Variants in SHROOM3 observed in about 807,000 individuals in gnomAD.
The protein encoded by SHROOM3 is shroom family member 3.
Under a neutral mutation model 138.6 loss-of-function variants are expected in SHROOM3, and 47 were observed. The ratio of observed to expected loss-of-function variants is 0.34; its 90% confidence interval spans 0.27 to 0.43. The LOEUF is 0.43. SHROOM3 is among the 20% of genes least tolerant of loss of function. The pLI is 1.00. For missense variants in SHROOM3, 2,491 were observed against 2,596.5 expected (o/e 0.96, Z 0.88); for synonymous variants, 1,062 against 1,063.3 (o/e 1.00, Z 0.02).
intron 2 of SHROOM3, among the ~76,000 whole-genome samples, chr4:76,663,493 A>T (rs1718598493): frequency 6.6e-6 from 1 of 152,142 alleles, no homozygotes; most frequent in African/African-American, 2.4e-5. Flanking sequence ...GTTGCTATAC[A>T]CCAGAGGTAA....
intron 1 of SHROOM3, among the ~76,000 whole-genome samples, chr4:76,487,707 C>T (rs988858841): frequency 6.7e-6 from 1 of 149,902 alleles, no homozygotes; most frequent in Non-Finnish European, 1.5e-5. Flanking sequence ...TGAATTCACT[C>T]TGATTTATTA....
intron 1 of SHROOM3, among the ~76,000 whole-genome samples, chr4:76,485,245 T>C (rs1326494600): frequency 1.3e-5 from 2 of 152,130 alleles, no homozygotes; most frequent in African/African-American, 4.8e-5. Flanking sequence ...TTTTTTCATG[T>C]GAAAGGAAGG....
At chr4:76,692,579 T>C (rs1451086453) in intron 2 of SHROOM3, among the ~76,000 whole-genome samples, 1 of 152,188 alleles carries the variant, frequency 6.6e-6, no homozygotes, top group African/African-American at 2.4e-5. Flanking sequence ...CATAGCAACC[T>C]TATTTATAAT....
chr4:76,495,595 C>T (rs1463828333), intron 1 of SHROOM3, among the ~76,000 whole-genome samples: 2 of 152,172 alleles, frequency 1.3e-5, no homozygotes. Context: ...GTAATGAATC[C>T]CTGTCTCTGA....
intron 1 of SHROOM3, among the ~76,000 whole-genome samples, chr4:76,443,279 A>C (rs1179013646): frequency 1.3e-5 from 2 of 152,238 alleles, no homozygotes; most frequent in African/African-American, 4.8e-5. Flanking sequence ...TCTTAGCATC[A>C]GTAAGAACTC....
intron 3 of SHROOM3, among the ~76,000 whole-genome samples, chr4:76,713,520 C>A (rs890952803): frequency 1.3e-5 from 2 of 152,148 alleles, no homozygotes; most frequent in Admixed American, 1.3e-4. Flanking sequence ...TTCAGGAACA[C>A]CTCCTGTAGA....
chr4:76,470,105 C>T lies in SHROOM3; in HGVS notation c.168+33885C>T, dbSNP rs544424717. Among the ~76,000 whole-genome samples, 30 of 152,250 alleles carry T rather than the reference C, an allele frequency of 2.0e-4. No individual in the cohort carries two copies. In the South Asian group the frequency reaches 6.2e-3, roughly 32 times the overall value. ...TATGCATTAACTCACTGATTTCTTA[C>T]ACCTCTATGAAGTAGGTCCTATTAT... On this transcript the variant is annotated intron_variant, in intron 1 of 10. Transcript: ENST00000296043.
intron 3 of SHROOM3, among the ~76,000 whole-genome samples, chr4:76,722,814 G>A (rs1720589626): frequency 6.6e-6 from 1 of 152,012 alleles, no homozygotes; most frequent in African/African-American, 2.4e-5. Flanking sequence ...GGGATATGGG[G>A]GTGTTTGATT....
intron 3 of SHROOM3, among the ~76,000 whole-genome samples, chr4:76,726,271 C>T (rs918202336): frequency 6.6e-6 from 1 of 152,116 alleles, no homozygotes; most frequent in Non-Finnish European, 1.5e-5. Flanking sequence ...GGCTTTTTCC[C>T]AGGCTCCCTC....
chr4:76,698,535 A>G (rs1434375534), intron 2 of SHROOM3, among the ~76,000 whole-genome samples: 1 of 152,186 alleles, frequency 6.6e-6, no homozygotes. Flanking sequence ...CCTACAGACT[A>G]CATTGGGACC....
At chr4:76,463,104 A>C (rs1268692797) in intron 1 of SHROOM3, among the ~76,000 whole-genome samples, 1 of 152,192 alleles carries the variant, frequency 6.6e-6, no homozygotes, top group Non-Finnish European at 1.5e-5. Flanking sequence ...AACTTCCTAG[A>C]GACTTAGTGA....
intron 1 of SHROOM3, among the ~76,000 whole-genome samples, chr4:76,529,542 G>T (rs1732786289): frequency 6.6e-6 from 1 of 151,994 alleles, no homozygotes; most frequent in Non-Finnish European, 1.5e-5. Flanking sequence ...AGCCAGGATG[G>T]TCTCGATCTC....
chr4:76,567,032 A>G (rs963162729), intron 2 of SHROOM3, among the ~76,000 whole-genome samples: 1 of 152,224 alleles, frequency 6.6e-6, no homozygotes, highest in Non-Finnish European at 1.5e-5. Flanking sequence ...TGCTTAGTAC[A>G]GTTTGTCAGT....
intron 1 of SHROOM3, among the ~76,000 whole-genome samples, chr4:76,436,558 A>G (rs1730568797): frequency 6.6e-6 from 1 of 152,226 alleles, no homozygotes; most frequent in East Asian, 1.9e-4. Context: ...CATGGTATAT[A>G]TTTGTGCATT....
intron 2 of SHROOM3, among the ~76,000 whole-genome samples, chr4:76,589,009 A>G (rs1477774440): frequency 1.3e-5 from 2 of 152,258 alleles, no homozygotes; most frequent in Non-Finnish European, 2.9e-5. Context: ...AAGCTGTCTC[A>G]CACAATTTTG....
chr4:76,603,537 C>G (rs2110056287), intron 2 of SHROOM3, among the ~76,000 whole-genome samples: 1 of 152,170 alleles, frequency 6.6e-6, no homozygotes, highest in East Asian at 1.9e-4. Flanking sequence ...TGTAGTATGA[C>G]CATATAAAGT....
At chr4:76,676,856 T>A (rs895654067) in intron 2 of SHROOM3, among the ~76,000 whole-genome samples, 6 of 142,904 alleles carry the variant, frequency 4.2e-5, no homozygotes, top group African/African-American at 1.6e-4. Flanking sequence ...GGCAGGAGAA[T>A]GGCGTGAACC....
intron 2 of SHROOM3, among the ~76,000 whole-genome samples, chr4:76,656,250 G>A (rs565668378): frequency 3.3e-4 from 50 of 152,184 alleles, no homozygotes; most frequent in Non-Finnish European, 6.5e-4. Context: ...CCATCCCATA[G>A]TATAAGCAGA....
chr4:76,592,338 C>G (rs1734292083), intron 2 of SHROOM3, among the ~76,000 whole-genome samples: 1 of 152,180 alleles, frequency 6.6e-6, no homozygotes, highest in South Asian at 2.1e-4. Flanking sequence ...CAGTTGTGAG[C>G]ATTAAATGAA....
Sources: gnomAD v4.1 joint callset for allele counts (sites outside exome capture counted in the v4.1 genomes callset) on GRCh38, gnomAD v4.1.1 for gene constraint, MANE v1.5 for transcripts, NCBI Gene and HGNC (gene_info 2026-07-23, HGNC 2026-07-21) for gene names.